The following CATSPERE variants were observed in gnomAD, a reference collection of about 807,000 sequenced individuals.
CATSPERE encodes the protein catsper channel auxiliary subunit epsilon.
Under a neutral mutation model 114.1 loss-of-function variants are expected in CATSPERE, and 93 were observed. That is an observed-to-expected ratio of 0.81 (90% CI 0.69 to 0.97). The LOEUF (loss-of-function observed/expected upper bound fraction) is 0.97. CATSPERE is among the 50% of genes least tolerant of loss of function. The probability of loss-of-function intolerance (pLI) is 0.00; values close to 1 mark genes in which losing one functional copy is unlikely to be tolerated. For missense variants in CATSPERE, 1,058 were observed against 1,131.6 expected (o/e 0.93, Z 0.93); for synonymous variants, 341 against 384.1 (o/e 0.89, Z 1.31).
chr1:244,608,151 T>G (rs200891762), intron 18 of CATSPERE, among the ~76,000 whole-genome samples: 1 of 152,156 alleles, frequency 6.6e-6, no homozygotes, highest in Non-Finnish European at 1.5e-5. Flanking sequence ...TAAATTTGTA[T>G]TTTGTAAATC....
intron 1 of CATSPERE, among the ~76,000 whole-genome samples, chr1:244,462,432 C>T (rs1389580178): frequency 5.3e-5 from 8 of 152,068 alleles, no homozygotes; most frequent in Non-Finnish European, 1.0e-4. Context: ...ATCCTTAGCC[C>T]CAGTAGGAGT....
At chr1:244,463,783 A>T (rs1460693763) in intron 1 of CATSPERE, 125 bp from the exon 2 acceptor site, 1 of 801,304 alleles carries the variant, frequency 1.2e-6, no homozygotes, top group African/African-American at 1.7e-5. Flanking sequence ...GTTGCTGTCA[A>T]GGAAGGGAAT....
intron 13 of CATSPERE, among the ~76,000 whole-genome samples, chr1:244,588,021 C>T (rs1010287078): frequency 1.3e-5 from 2 of 151,938 alleles, no homozygotes; most frequent in Non-Finnish European, 2.9e-5. Context: ...ATGGTGAAAC[C>T]CTGTCTCTAC....
chr1:244,514,536 A>G (rs995294522), intron 7 of CATSPERE, among the ~76,000 whole-genome samples: 1 of 152,118 alleles, frequency 6.6e-6, no homozygotes, highest in African/African-American at 2.4e-5. Context: ...TAAATAAATA[A>G]AAGAGTGTCT....
At chr1:244,507,602 G>A (rs759172635) in intron 7 of CATSPERE, among the ~76,000 whole-genome samples, 1 of 152,092 alleles carries the variant, frequency 6.6e-6, no homozygotes, top group Non-Finnish European at 1.5e-5. Context: ...TCTTCTAGTA[G>A]TTTTATAGTT....
chr1:244,536,981 G>A (rs1680484747), intron 8 of CATSPERE, among the ~76,000 whole-genome samples: 1 of 151,578 alleles, frequency 6.6e-6, no homozygotes, highest in Non-Finnish European at 1.5e-5. Context: ...AGTCATTTAT[G>A]TCATCTGCAA....
intron 8 of CATSPERE, among the ~76,000 whole-genome samples, chr1:244,548,926 C>T (rs750661585): frequency 2.0e-5 from 3 of 152,178 alleles, no homozygotes; most frequent in Non-Finnish European, 4.4e-5. Context: ...ATTTGTGCCT[C>T]CTGTTCCCAG....
chr1:244,543,635 T>G (rs1248277051), intron 8 of CATSPERE, among the ~76,000 whole-genome samples: 3 of 6,892 alleles, frequency 4.4e-4, no homozygotes, highest in Non-Finnish European at 1.9e-3. Context: ...AATTTTATTT[T>G]AAATATATAT....
At chr1:244,500,908 A>C (rs1380820362) in intron 7 of CATSPERE, among the ~76,000 whole-genome samples, 3 of 152,194 alleles carry the variant, frequency 2.0e-5, no homozygotes, top group Admixed American at 2.0e-4. Context: ...TGATGGGAAT[A>C]GCATTGAATC....
At chr1:244,474,549 T>C (rs1432634155) in intron 2 of CATSPERE, among the ~76,000 whole-genome samples, 1 of 151,132 alleles carries the variant, frequency 6.6e-6, no homozygotes, top group Non-Finnish European at 1.5e-5. Flanking sequence ...ATTGTTTTTA[T>C]TATCAAATAT....
intron 2 of CATSPERE, among the ~76,000 whole-genome samples, chr1:244,469,056 A>T (rs1668046764): frequency 6.6e-6 from 1 of 152,214 alleles, no homozygotes; most frequent in African/African-American, 2.4e-5. Flanking sequence ...TGTTTAGATA[A>T]TACCAAGTCA....
intron 7 of CATSPERE, among the ~76,000 whole-genome samples, chr1:244,517,987 T>C (rs1676917889): frequency 6.6e-6 from 1 of 152,200 alleles, no homozygotes; most frequent in Non-Finnish European, 1.5e-5. Context: ...AGGATTAGGA[T>C]AGAATTCTAG....
intron 8 of CATSPERE, among the ~76,000 whole-genome samples, chr1:244,547,668 CA>C (rs1309678741): frequency 1.3e-5 from 2 of 151,806 alleles, no homozygotes; most frequent in African/African-American, 2.4e-5. Context: ...AACCACAAAG[CA>C]AAAACCTGTA....
chr1:244,639,935 GTCTACCTGGTAGC>G lies in CATSPERE; in HGVS notation c.2712_2724del (p.Tyr905LeufsTer6). 1 of 1,538,400 alleles carries G rather than the reference GTCTACCTGGTAGC, an allele frequency of 6.5e-7. No homozygotes were observed. The highest frequency in any genetic ancestry group is 8.7e-7 in the Non-Finnish European group (1 of 1,143,204). ...TTTTTTTTCTGATTTCAGTCCAAGTGTCTACCTGGTAGCTTCTTTCCTCTTCGTCCTGATGCTG... is the reference window on the plus strand; with the variant it reads ...TTTTTTTTCTGATTTCAGTCCAAGTGTTCTTTCCTCTTCGTCCTGATGCTG... On this transcript the variant is annotated frameshift_variant, in exon 22 of 22. Transcript: ENST00000366534. LOFTEE classifies it low-confidence loss of function (END_TRUNC).
intron 17 of CATSPERE, among the ~76,000 whole-genome samples, chr1:244,595,932 C>CAAAAAAAAAAAAAAA (rs1668351970): frequency 1.3e-5 from 2 of 150,122 alleles, no homozygotes; most frequent in Non-Finnish European, 3.0e-5. Context: ...GACTCCGTCT[C>CAAAAAAAAAAAAAAA]AAAAAAGAAA....
intron 8 of CATSPERE, among the ~76,000 whole-genome samples, chr1:244,547,019 C>T (rs1346127306): frequency 6.6e-6 from 1 of 152,000 alleles, no homozygotes; most frequent in Non-Finnish European, 1.5e-5. Context: ...AAGACTACCC[C>T]AAGACTTATT....
intron 20 of CATSPERE, among the ~76,000 whole-genome samples, chr1:244,622,648 C>G (rs1013532053): frequency 6.6e-6 from 1 of 152,264 alleles, no homozygotes; most frequent in Admixed American, 6.5e-5. Context: ...AATCTGAGCT[C>G]TTAGCAATCT....
At chr1:244,543,158 C>G (rs1043018786) in intron 8 of CATSPERE, among the ~76,000 whole-genome samples, 1 of 152,138 alleles carries the variant, frequency 6.6e-6, no homozygotes, top group Non-Finnish European at 1.5e-5. Context: ...GAATGGAAAT[C>G]AATCTGTGGA....
intron 17 of CATSPERE, among the ~76,000 whole-genome samples, chr1:244,597,104 A>G (rs1024472263): frequency 2.0e-5 from 3 of 152,162 alleles, no homozygotes; most frequent in Non-Finnish European, 4.4e-5. Flanking sequence ...TGTATCATCA[A>G]CTTTTCCCTC....
Sources: gnomAD v4.1 joint callset for allele counts (sites outside exome capture counted in the v4.1 genomes callset) on GRCh38, gnomAD v4.1.1 for gene constraint, MANE v1.5 for transcripts, NCBI Gene and HGNC (gene_info 2026-07-23, HGNC 2026-07-21) for gene names.